KCTD8: variants seen among roughly 807,000 people sequenced by gnomAD.
KCTD8 encodes the protein BTB/POZ domain-containing protein KCTD8.
In KCTD8, 27 loss-of-function variants were observed where a neutral mutation model predicts 31.5. That is an observed-to-expected ratio of 0.86 (90% CI 0.63 to 1.18). KCTD8 has a LOEUF of 1.18. Ranked by LOEUF, KCTD8 falls within the 50% of genes most tolerant of loss-of-function variation. The pLI is 0.00. For synonymous variants in KCTD8, 290 were observed against 280.0 expected (o/e 1.04, Z -0.36); for missense variants, 658 against 647.7 (o/e 1.02, Z -0.17).
intron 1 of KCTD8, among the ~76,000 whole-genome samples, chr4:44,283,025 TTTATTATTATTATTA>T (rs58754915): frequency 0.011 from 1,463 of 136,300 alleles, 31 homozygotes; most frequent in Admixed American, 0.05. Context: ...AACAACACAT[TTTATTATTATTATTA>T]TTATTATTAT....
intron 1 of KCTD8, among the ~76,000 whole-genome samples, chr4:44,447,194 G>A (rs879596285): frequency 3.3e-5 from 5 of 152,228 alleles, no homozygotes; most frequent in Non-Finnish European, 7.3e-5. Flanking sequence ...GCAAAGGGGT[G>A]GAGGAGGGTC....
chr4:44,356,678 G>C (rs370065347), intron 1 of KCTD8, among the ~76,000 whole-genome samples: 1 of 152,072 alleles, frequency 6.6e-6, no homozygotes, highest in Non-Finnish European at 1.5e-5. Flanking sequence ...TACCATGTTG[G>C]CCAGGCTGGT....
chr4:44,295,270 C>A (rs1717394910), intron 1 of KCTD8, among the ~76,000 whole-genome samples: 1 of 152,040 alleles, frequency 6.6e-6, no homozygotes, highest in African/African-American at 2.4e-5. Context: ...CACTCCAGCC[C>A]AGGTGACAGA....
intron 1 of KCTD8, among the ~76,000 whole-genome samples, chr4:44,413,191 T>C (rs1241430180): frequency 6.6e-6 from 1 of 152,186 alleles, no homozygotes; most frequent in Non-Finnish European, 1.5e-5. Context: ...GAGAGGAAAA[T>C]GTACTGTATA....
At chr4:44,311,697 G>A (rs543978690) in intron 1 of KCTD8, among the ~76,000 whole-genome samples, 13 of 152,068 alleles carry the variant, frequency 8.5e-5, no homozygotes, top group African/African-American at 3.1e-4. Flanking sequence ...GGTCTTTATA[G>A]TGTGGAGCTG....
At chr4:44,206,973 TC>T (rs984565448) in intron 1 of KCTD8, among the ~76,000 whole-genome samples, 3 of 152,182 alleles carry the variant, frequency 2.0e-5, no homozygotes, top group Non-Finnish European at 4.4e-5. Context: ...ATTTGTTGGG[TC>T]CTTTTAAGAG....
chr4:44,326,715 T>C (rs563809103), intron 1 of KCTD8, among the ~76,000 whole-genome samples: 35 of 151,960 alleles, frequency 2.3e-4, no homozygotes, highest in African/African-American at 7.5e-4. Flanking sequence ...TCTAGTTGTT[T>C]GTCTACTTAG....
In KCTD8 at chr4:44,416,517, G is replaced by T. The variant is rs888248939; in HGVS notation, c.961+31046C>A. On this transcript the variant is annotated intron_variant, in intron 1 of 1. Coordinates refer to ENST00000360029, the MANE Select transcript of KCTD8 (RefSeq NM_198353.3). ...CCAATGTTGGAGGCGGGACCTAGTG[G>T]TAGGTATTTGATCATAGGGGCGGAT... Among the ~76,000 whole-genome samples the T allele has an allele frequency of 2.6e-5, 4 of 152,142 alleles. No homozygotes were observed. In the South Asian group the frequency reaches 8.3e-4, roughly 32 times the overall value.
intron 1 of KCTD8, among the ~76,000 whole-genome samples, chr4:44,181,816 G>C (rs1036821105): frequency 1.3e-5 from 2 of 151,450 alleles, no homozygotes; most frequent in African/African-American, 4.9e-5. Flanking sequence ...GTCTCTGCCC[G>C]GCTGCCCATC....
At chr4:44,224,101 G>A (rs76281794) in intron 1 of KCTD8, among the ~76,000 whole-genome samples, 73 of 152,138 alleles carry the variant, frequency 4.8e-4, no homozygotes, top group African/African-American at 1.7e-3. Flanking sequence ...TCCCTTCTTC[G>A]ATGAGTAATG....
At chr4:44,219,204 T>C (rs1714735998) in intron 1 of KCTD8, among the ~76,000 whole-genome samples, 1 of 152,264 alleles carries the variant, frequency 6.6e-6, no homozygotes, top group African/African-American at 2.4e-5. Flanking sequence ...GCTGCAAGTA[T>C]AATTTTATTC....
intron 1 of KCTD8, among the ~76,000 whole-genome samples, chr4:44,398,928 A>C (rs1457726336): frequency 6.6e-6 from 1 of 152,158 alleles, no homozygotes; most frequent in Non-Finnish European, 1.5e-5. Flanking sequence ...GATCATCCAG[A>C]CTCCTGGAGT....
rs542834248 is a variant in KCTD8, at chr4:44,331,222, T to C, written c.961+116341A>G. Among the ~76,000 whole-genome samples the C allele has an allele frequency of 1.2e-3, 185 of 152,008 alleles. 1 individual carries two copies. Among genetic ancestry groups the C allele is most frequent in the Middle Eastern group, 6.8e-3 (2 of 294 alleles). The stretch of plus-strand genomic sequence containing the variant: ...AACAGCTCTTTGATAAAAAGAATAG[T>C]TCTAATTGTCATGCCCTAAATATAT... On this transcript the variant is annotated intron_variant, in intron 1 of 1. Transcript: ENST00000360029.
chr4:44,377,853 C>T (rs1189376102), intron 1 of KCTD8, among the ~76,000 whole-genome samples: 2 of 152,076 alleles, frequency 1.3e-5, no homozygotes, highest in African/African-American at 4.8e-5. Context: ...TCTTTCCCTT[C>T]CCCACTCTTG....
At chr4:44,239,630 T>C (rs978912530) in intron 1 of KCTD8, among the ~76,000 whole-genome samples, 2 of 152,232 alleles carry the variant, frequency 1.3e-5, no homozygotes, top group African/African-American at 2.4e-5. Flanking sequence ...TATGATTCTG[T>C]AGTCTTTGAT....
intron 1 of KCTD8, among the ~76,000 whole-genome samples, chr4:44,424,423 C>A (rs1276078405): frequency 6.6e-6 from 1 of 152,040 alleles, no homozygotes; most frequent in Non-Finnish European, 1.5e-5. Flanking sequence ...ATTTTCTTTT[C>A]TCTGTCAACC....
intron 1 of KCTD8, among the ~76,000 whole-genome samples, chr4:44,240,634 C>T (rs1715432047): frequency 1.3e-5 from 2 of 152,104 alleles, no homozygotes; most frequent in African/African-American, 2.4e-5. Context: ...TCACCATGCC[C>T]CGCATGTTTT....
At chr4:44,184,739 C>T (rs1713529502) in intron 1 of KCTD8, among the ~76,000 whole-genome samples, 1 of 152,216 alleles carries the variant, frequency 6.6e-6, no homozygotes, top group Non-Finnish European at 1.5e-5. Context: ...ACATCACTCA[C>T]TTGGAAGTTA....
At chr4:44,383,471 T>C (rs777965318) in intron 1 of KCTD8, among the ~76,000 whole-genome samples, 5 of 151,914 alleles carry the variant, frequency 3.3e-5, no homozygotes, top group African/African-American at 4.8e-5. Flanking sequence ...AACTGACACA[T>C]AGACCAATGG....
Sources: allele counts gnomAD v4.1 joint callset (sites outside exome capture counted in the v4.1 genomes callset), GRCh38; gene constraint gnomAD v4.1.1; transcripts MANE v1.5; gene names NCBI Gene and HGNC (gene_info 2026-07-23, HGNC 2026-07-21).